Variants in RDH12 observed in about 807,000 individuals in gnomAD.
RDH12 encodes retinol dehydrogenase 12.
RDH12 carries 21 observed loss-of-function variants against 34.0 expected under a neutral mutation model. That is an observed-to-expected ratio of 0.62 (90% CI 0.44 to 0.89). RDH12 has a LOEUF of 0.89. Among genes scored for constraint, RDH12 ranks in the 40% least tolerant of loss-of-function variants. The pLI, the probability that RDH12 is intolerant of heterozygous loss-of-function variation, is 0.00. For missense variants in RDH12, 394 were observed against 398.6 expected, an observed-to-expected ratio of 0.99 and a Z score of 0.10; for synonymous variants, 198 against 169.9, an observed-to-expected ratio of 1.17 and a Z score of -1.29.
intron 1 of RDH12, among the ~76,000 whole-genome samples, chr14:67,706,485 T>C (rs533497551): frequency 1.3e-5 from 2 of 152,208 alleles, no homozygotes; most frequent in South Asian, 4.1e-4. Flanking sequence ...TCAATCAACA[T>C]ATGGAAAATG....
At position 67,734,405 on chromosome 14, in the gene RDH12, C is replaced by T. The variant is rs553955355; in HGVS notation, c.*557C>T. The stretch of plus-strand genomic sequence containing the variant: ...GATGGTTTCTTTTTGTAAAGAGTTC[C>T]GTTTGCCTTTCAATTTTTAGAGAAA... On this transcript the variant is annotated 3_prime_UTR_variant, in exon 9 of 9. Transcript: ENST00000551171. 3.0e-4 allele frequency: 46 copies of T among 155,016 alleles called. No individual in the cohort carries two copies. The highest frequency in any genetic ancestry group is 5.6e-4 in the Non-Finnish European group (39 of 69,796). 9.6% of individuals were successfully genotyped at this position (155,016 alleles called of 1,614,324 possible).
chr14:67,733,856 A>G lies in RDH12; in HGVS notation c.*8A>G. The G allele has an allele frequency of 6.3e-7, 1 of 1,595,794 alleles. No homozygotes were observed. Among genetic ancestry groups the G allele is most frequent in the Non-Finnish European group, 8.6e-7 (1 of 1,164,032 alleles). On this transcript the variant is annotated 3_prime_UTR_variant, in exon 9 of 9. Transcript: ENST00000551171. ...GGAATCCGGTGGGAGTAGCTGGTGG[A>G]AGAGCTGCAGCTTTATCAGGCCCAA... is the stretch of plus-strand genomic sequence containing the variant.
chr14:67,731,165 T>C (rs1346379040), intron 8 of RDH12, among the ~76,000 whole-genome samples: 2 of 151,510 alleles, frequency 1.3e-5, no homozygotes, highest in African/African-American at 4.8e-5. Context: ...CAAAATGACA[T>C]ATGTGGCTCA....
At chr14:67,732,948 A>T (rs1421280605) in intron 8 of RDH12, among the ~76,000 whole-genome samples, 2 of 152,056 alleles carry the variant, frequency 1.3e-5, no homozygotes, top group Non-Finnish European at 2.9e-5. Flanking sequence ...TTATAATTAG[A>T]AAAAAGGAAC....
At chr14:67,721,740 T>G (rs1163882977) in intron 2 of RDH12, among the ~76,000 whole-genome samples, 2 of 550 alleles carry the variant, frequency 3.6e-3, no homozygotes, top group African/African-American at 0.011. Context: ...CAAGTGGGGA[T>G]ATATATATAT....
At chr14:67,717,694 G>A (rs2038082335) in intron 1 of RDH12, 1 of 152,246 alleles carries the variant, frequency 6.6e-6, no homozygotes, top group South Asian at 2.1e-4. Context: ...GCATCTCAGT[G>A]GGTAGAGGCC....
At chr14:67,714,999 T>TA (rs1423539137) in intron 1 of RDH12, 1 of 152,246 alleles carries the variant, frequency 6.6e-6, no homozygotes, top group Non-Finnish European at 1.5e-5. Flanking sequence ...CTGAGAGAAT[T>TA]AATGTGTTTA....
chr14:67,727,454 T>C, intron 7 of RDH12: 1 of 451,530 alleles, frequency 2.2e-6, no homozygotes. Flanking sequence ...CAGTAGCTTT[T>C]TGCAACAGAC....
At position 67,719,328 on chromosome 14, in the gene RDH12, A is replaced by G. The variant is rs1328966126; in HGVS notation, c.-274-1520A>G. Among the ~76,000 whole-genome samples the G allele has an allele frequency of 2.6e-5, 4 of 152,334 alleles. No individual in the cohort carries two copies. In the South Asian group the frequency reaches 6.2e-4, roughly 24 times the overall value. On this transcript the variant is annotated intron_variant, in intron 1 of 8. Transcript: ENST00000551171. ...CATAGTTTGAGGAACTCGCAATAGA[A>G]TTTGAGTGCCTCACGATAAGATTCT... is the stretch of plus-strand genomic sequence containing the variant.
chr14:67,729,101 C>G, intron 7 of RDH12, 90 bp from the exon 8 acceptor site: 1 of 1,336,710 alleles, frequency 7.5e-7, no homozygotes, highest in South Asian at 1.2e-5. Flanking sequence ...TGAGTCCCTC[C>G]TTCTCACTTG....
At chr14:67,702,136 T>C (rs1327991030) in intron 1 of RDH12, among the ~76,000 whole-genome samples, 2 of 151,792 alleles carry the variant, frequency 1.3e-5, no homozygotes, top group African/African-American at 4.8e-5. Context: ...ATTTAATATA[T>C]ATATATTTTT....
intron 7 of RDH12, among the ~76,000 whole-genome samples, chr14:67,728,703 T>TTGGGGG (rs146484340): frequency 3.5e-5 from 5 of 142,244 alleles, no homozygotes; most frequent in African/African-American, 1.3e-4. Context: ...GGATATCTTG[T>TTGGGGG]GGGGGGGGGG....
At chr14:67,712,111 G>A (rs776460627) in intron 1 of RDH12, among the ~76,000 whole-genome samples, 9 of 151,966 alleles carry the variant, frequency 5.9e-5, no homozygotes, top group Non-Finnish European at 8.8e-5. Flanking sequence ...GTAGAGACAC[G>A]GTTTCACCAT....
At chr14:67,710,256 A>C (rs2037995672) in intron 1 of RDH12, among the ~76,000 whole-genome samples, 1 of 152,180 alleles carries the variant, frequency 6.6e-6, no homozygotes, top group Non-Finnish European at 1.5e-5. Context: ...AAACTTTCTA[A>C]ATTAACTGAG....
chr14:67,716,626 G>C (rs1348672444), intron 1 of RDH12, among the ~76,000 whole-genome samples: 1 of 152,148 alleles, frequency 6.6e-6, no homozygotes, highest in Non-Finnish European at 1.5e-5. Flanking sequence ...GCTCACACTT[G>C]TAATCTCAGC....
chr14:67,706,538 G>A (rs2037952411), intron 1 of RDH12, among the ~76,000 whole-genome samples: 1 of 152,192 alleles, frequency 6.6e-6, no homozygotes, highest in African/African-American at 2.4e-5. Context: ...TCGAAGCATG[G>A]AATGGGCTTC....
intron 1 of RDH12, among the ~76,000 whole-genome samples, chr14:67,708,515 C>A (rs962293961): frequency 1.3e-5 from 2 of 152,028 alleles, no homozygotes; most frequent in African/African-American, 4.8e-5. Flanking sequence ...GGTTTTAGGG[C>A]AGCCATAAAG....
intron 1 of RDH12, among the ~76,000 whole-genome samples, chr14:67,719,857 A>C (rs2038104397): frequency 6.6e-6 from 1 of 152,120 alleles, no homozygotes; most frequent in Non-Finnish European, 1.5e-5. Context: ...GCTGTATACT[A>C]TCTATTATGT....
Position 67,733,997 on chromosome 14 carries a change from T to A in RDH12, c.*149T>A. 1 of 626,248 alleles carries A rather than the reference T, an allele frequency of 1.6e-6. No individual in the cohort carries two copies. Among genetic ancestry groups the A allele is most frequent in the Non-Finnish European group, 3.0e-6 (1 of 336,392 alleles). 38.8% of individuals were successfully genotyped at this position (626,248 alleles called of 1,614,324 possible). A position where few individuals can be genotyped will look rare whatever the true frequency, so the allele number is the denominator to read the frequency against. On this transcript the variant is annotated 3_prime_UTR_variant, in exon 9 of 9. Transcript: ENST00000551171. Reference sequence around the variant, plus strand: ...GATCCTCTTGACCCTTCTGGGAATGTTTGCACACCTGACACTCTTGTGAGA... The same window carrying A: ...GATCCTCTTGACCCTTCTGGGAATGATTGCACACCTGACACTCTTGTGAGA...
Sources: allele counts gnomAD v4.1 joint callset (sites outside exome capture counted in the v4.1 genomes callset), GRCh38; gene constraint gnomAD v4.1.1; transcripts MANE v1.5; gene names NCBI Gene and HGNC (gene_info 2026-07-23, HGNC 2026-07-21).